Variants in ACAD11 observed in about 807,000 individuals in gnomAD.
The protein encoded by ACAD11 is acyl-CoA dehydrogenase family member 11, also known as acyl-Coenzyme A dehydrogenase family, member 11.
A neutral mutation model predicts 102.2 loss-of-function variants in ACAD11; 83 were observed. That is an observed-to-expected ratio of 0.81 (90% CI 0.68 to 0.97). The LOEUF (loss-of-function observed/expected upper bound fraction) is 0.97. ACAD11 is among the 50% of genes least tolerant of loss of function. The pLI, the probability that ACAD11 is intolerant of heterozygous loss-of-function variation, is 0.00. For missense variants in ACAD11, 901 were observed against 951.7 expected (o/e 0.95, Z 0.70); for synonymous variants, 324 against 319.8 (o/e 1.01, Z -0.14).
chr3:132,631,828 T>C (rs1404378335), intron 5 of ACAD11, among the ~76,000 whole-genome samples: 1 of 152,242 alleles, frequency 6.6e-6, no homozygotes, highest in Non-Finnish European at 1.5e-5. Flanking sequence ...ATCCATGTTA[T>C]GCATCATTAA....
At chr3:132,571,870 TTC>T (rs1937391832) in intron 17 of ACAD11, among the ~76,000 whole-genome samples, 1 of 152,180 alleles carries the variant, frequency 6.6e-6, no homozygotes, top group Non-Finnish European at 1.5e-5. Context: ...TGCTAAACTT[TTC>T]TGTTAAAAAC....
chr3:132,566,832 A>G (rs924782900), intron 17 of ACAD11, among the ~76,000 whole-genome samples: 9 of 152,364 alleles, frequency 5.9e-5, no homozygotes, highest in African/African-American at 2.2e-4. Context: ...TCAGGAAAGA[A>G]GAAAGAACAC....
intron 9 of ACAD11, among the ~76,000 whole-genome samples, chr3:132,619,873 A>G (rs1324792821): frequency 6.6e-6 from 1 of 152,252 alleles, no homozygotes; most frequent in East Asian, 1.9e-4. Flanking sequence ...ACATTTATTA[A>G]TACATAGCTG....
intron 11 of ACAD11, among the ~76,000 whole-genome samples, chr3:132,605,535 A>G (rs899028828): frequency 1.3e-5 from 2 of 152,230 alleles, no homozygotes; most frequent in Non-Finnish European, 2.9e-5. Context: ...CTGTATTGCA[A>G]ATATGCCCTG....
chr3:132,598,328 T>C (rs916885279), intron 13 of ACAD11, among the ~76,000 whole-genome samples: 2 of 152,188 alleles, frequency 1.3e-5, no homozygotes, highest in African/African-American at 2.4e-5. Flanking sequence ...GCAATAACAA[T>C]GTTGACATAG....
Position 132,575,775 on chromosome 3 carries a change from T to G in ACAD11, c.1998A>C (p.Ala666=). ...QRIAFKKKLY[A]HEVVAHWIAE... Reference sequence around the variant, plus strand: ...TCAAATAAGTAATCGTCCTCACATGTGCATACAACTTCTTCTTGAAAGCTA... The same window carrying G: ...TCAAATAAGTAATCGTCCTCACATGGGCATACAACTTCTTCTTGAAAGCTA... The change falls in exon 17 of 20, where the codon GCA becomes GCC. Residue 666 remains alanine (A), a synonymous_variant. Transcript: ENST00000264990. The G allele has an allele frequency of 6.2e-7, 1 of 1,614,046 alleles. No homozygotes were observed. The highest frequency in any genetic ancestry group is 1.1e-5 in the South Asian group (1 of 91,070).
At chr3:132,610,594 C>A (rs1939091099) in intron 11 of ACAD11, among the ~76,000 whole-genome samples, 1 of 152,250 alleles carries the variant, frequency 6.6e-6, no homozygotes, top group African/African-American at 2.4e-5. Flanking sequence ...ACTATGAACA[C>A]CTCTATGCAA....
chr3:132,626,221 C>T (rs951188957), intron 9 of ACAD11, among the ~76,000 whole-genome samples: 3 of 152,024 alleles, frequency 2.0e-5, no homozygotes, highest in African/African-American at 7.2e-5. Context: ...TCCATATTGC[C>T]TCTCTACTCT....
At chr3:132,574,743 G>T (rs566887968) in intron 17 of ACAD11, among the ~76,000 whole-genome samples, 37 of 152,312 alleles carry the variant, frequency 2.4e-4, no homozygotes, top group African/African-American at 8.7e-4. Flanking sequence ...AAACTTAGAA[G>T]GGAGATGATG....
In ACAD11 at chr3:132,630,456, TTAAAATA is replaced by T. The variant is rs766254865; in HGVS notation, c.937_943del (p.Tyr313ArgfsTer5). On this transcript the variant is annotated frameshift_variant, in exon 7 of 20. Transcript: ENST00000264990. LOFTEE classifies it high-confidence loss of function. ...AATTACCTGTGCTATTCCAGCCATC[TTAAAATA>T]TGAAAGGGCAAGAAAGAAATTCCAG... The T allele has an allele frequency of 1.1e-4, 183 of 1,613,294 alleles. No homozygotes were observed. Among genetic ancestry groups the T allele is most frequent in the Non-Finnish European group, 1.4e-4 (169 of 1,179,750 alleles).
intron 4 of ACAD11, among the ~76,000 whole-genome samples, chr3:132,640,761 AAG>A (rs1266399442): frequency 6.6e-6 from 1 of 152,154 alleles, no homozygotes; most frequent in Admixed American, 6.5e-5. Flanking sequence ...AAGATCAAAA[AAG>A]AGAGGCCGAC....
At chr3:132,647,557 C>A (rs1000407264) in intron 1 of ACAD11, 6 of 152,174 alleles carry the variant, frequency 3.9e-5, no homozygotes, top group Admixed American at 3.9e-4. Flanking sequence ...CATAAACAGA[C>A]AGGAAAAACA....
intron 17 of ACAD11, among the ~76,000 whole-genome samples, chr3:132,562,848 A>G (rs182143653): frequency 8.5e-5 from 13 of 152,294 alleles, no homozygotes; most frequent in Admixed American, 5.2e-4. Flanking sequence ...GAAATCTGTC[A>G]ATTCTTTCTT....
At chr3:132,561,277 G>A (rs759321769) in intron 17 of ACAD11, 60 bp from the exon 18 acceptor site, 20 of 1,188,990 alleles carry the variant, frequency 1.7e-5, no homozygotes, top group African/African-American at 4.5e-5. Flanking sequence ...TGATGTCCAC[G>A]TGTAACACAG....
At chr3:132,606,530 C>T (rs531460566) in intron 11 of ACAD11, among the ~76,000 whole-genome samples, 1 of 152,238 alleles carries the variant, frequency 6.6e-6, no homozygotes, top group African/African-American at 2.4e-5. Context: ...ATAAACTACA[C>T]CAACAAGAAA....
At chr3:132,611,677 G>A (rs1043545557) in intron 11 of ACAD11, among the ~76,000 whole-genome samples, 13 of 151,812 alleles carry the variant, frequency 8.6e-5, no homozygotes, top group Non-Finnish European at 1.5e-4. Flanking sequence ...GGGATGTGAA[G>A]GACCTCTTCA....
intron 9 of ACAD11, among the ~76,000 whole-genome samples, chr3:132,619,754 C>A (rs1939542328): frequency 6.6e-6 from 1 of 152,120 alleles, no homozygotes; most frequent in African/African-American, 2.4e-5. Flanking sequence ...CTACTAAAAT[C>A]TTATACCAAG....
chr3:132,632,520 C>T (rs1940090688), intron 5 of ACAD11, among the ~76,000 whole-genome samples: 1 of 152,152 alleles, frequency 6.6e-6, no homozygotes, highest in Non-Finnish European at 1.5e-5. Flanking sequence ...ATGATGCCTC[C>T]AGCTTTGTTC....
At chr3:132,563,046 T>G (rs1192839499) in intron 17 of ACAD11, among the ~76,000 whole-genome samples, 1 of 152,250 alleles carries the variant, frequency 6.6e-6, no homozygotes. Context: ...TGCCTATCTA[T>G]GTCCAATTGC....
Sources: gnomAD v4.1 joint callset for allele counts (sites outside exome capture counted in the v4.1 genomes callset) on GRCh38, gnomAD v4.1.1 for gene constraint, MANE v1.5 for transcripts, NCBI Gene and HGNC (gene_info 2026-07-23, HGNC 2026-07-21) for gene names.